AGBL4: variants seen among roughly 807,000 people sequenced by gnomAD.
AGBL4 encodes the protein cytosolic carboxypeptidase 6.
In AGBL4, 58 loss-of-function variants were observed where a neutral mutation model predicts 66.4. That is an observed-to-expected ratio of 0.87 (90% CI 0.71 to 1.09). AGBL4 has a LOEUF of 1.09. AGBL4 is among the 50% of genes least tolerant of loss of function. The probability of loss-of-function intolerance (pLI) is 0.00; values close to 1 mark genes in which losing one functional copy is unlikely to be tolerated. For synonymous variants in AGBL4, 234 were observed against 222.9 expected (o/e 1.05, Z -0.44); for missense variants, 579 against 631.0 (o/e 0.92, Z 0.88).
intron 3 of AGBL4, among the ~76,000 whole-genome samples, chr1:49,565,432 T>C (rs1644169668): frequency 6.6e-6 from 1 of 152,220 alleles, no homozygotes; most frequent in South Asian, 2.1e-4. Context: ...GTTTTTGCAG[T>C]GGCTGGTACT....
At chr1:49,865,787 A>C in intron 1 of AGBL4, 1 of 166,014 alleles carries the variant, frequency 6.0e-6, no homozygotes, top group East Asian at 1.6e-4. Context: ...AGGCTTCAAA[A>C]GATAAGACAA....
At chr1:49,679,539 G>A (rs1646647700) in intron 3 of AGBL4, among the ~76,000 whole-genome samples, 1 of 151,888 alleles carries the variant, frequency 6.6e-6, no homozygotes, top group South Asian at 2.1e-4. Flanking sequence ...TTTAATTGCT[G>A]TAAATAAGGC....
intron 1 of AGBL4, among the ~76,000 whole-genome samples, chr1:49,875,116 G>A (rs1646952555): frequency 1.4e-5 from 2 of 147,168 alleles, no homozygotes; most frequent in African/African-American, 2.5e-5. Flanking sequence ...TAAGAATGAT[G>A]ATTTCCAATT....
chr1:49,949,994 A>G (rs568175957), intron 1 of AGBL4, among the ~76,000 whole-genome samples: 147 of 118,930 alleles, frequency 1.2e-3, no homozygotes, highest in African/African-American at 3.6e-3. Context: ...GTATATATAT[A>G]TGTGTATATA....
Position 48,734,599 on chromosome 1 carries a change from G to A in AGBL4, c.635-71358C>T, listed in dbSNP as rs141953835. On this transcript the variant is annotated intron_variant, in intron 6 of 13. Coordinates refer to ENST00000371839, the MANE Select transcript of AGBL4 (RefSeq NM_032785.4). ...TCTTCCTTCTACATCCCAGCCATCT[G>A]GGGCTTCTTCACACCCGGAGCATGC... 9.1e-3 allele frequency among the ~76,000 whole-genome samples: 1,384 copies of A among 152,226 alleles called. 27 individuals are homozygous for A. The highest frequency in any genetic ancestry group is 0.032 in the African/African-American group (1,326 of 41,512).
intron 3 of AGBL4, among the ~76,000 whole-genome samples, chr1:49,585,702 T>C (rs759400537): frequency 1.3e-5 from 2 of 152,150 alleles, no homozygotes; most frequent in African/African-American, 4.8e-5. Flanking sequence ...ATATAATAAA[T>C]ATGCTATTTT....
chr1:49,467,955 T>A (rs1030600154), intron 3 of AGBL4, among the ~76,000 whole-genome samples: 5 of 151,884 alleles, frequency 3.3e-5, no homozygotes, highest in African/African-American at 1.2e-4. Flanking sequence ...GGCCCTGATA[T>A]GCAAGTGCAA....
At chr1:49,802,688 G>A (rs1029651225) in intron 2 of AGBL4, among the ~76,000 whole-genome samples, 1 of 152,086 alleles carries the variant, frequency 6.6e-6, no homozygotes, top group South Asian at 2.1e-4. Context: ...AATAATAAAT[G>A]CTGGTATATC....
intron 2 of AGBL4, among the ~76,000 whole-genome samples, chr1:49,774,861 C>T (rs2147891662): frequency 6.6e-6 from 1 of 152,256 alleles, no homozygotes; most frequent in South Asian, 2.1e-4. Context: ...TACCCTTTGA[C>T]TCAGCAACAC....
intron 6 of AGBL4, among the ~76,000 whole-genome samples, chr1:48,798,415 C>T (rs1360619269): frequency 1.3e-5 from 2 of 152,176 alleles, no homozygotes; most frequent in Admixed American, 1.3e-4. Flanking sequence ...GATTTTCTCC[C>T]ACTCTGTGGG....
At chr1:48,939,185 G>C (rs1406459026) in intron 5 of AGBL4, among the ~76,000 whole-genome samples, 5 of 152,194 alleles carry the variant, frequency 3.3e-5, no homozygotes, top group Non-Finnish European at 5.9e-5. Flanking sequence ...TGATTCATCA[G>C]TATATACTTA....
intron 6 of AGBL4, among the ~76,000 whole-genome samples, chr1:48,721,380 G>A (rs1214657475): frequency 6.6e-6 from 1 of 152,184 alleles, no homozygotes; most frequent in East Asian, 1.9e-4. Flanking sequence ...GAGAAATGCT[G>A]AGGAAATCAA....
intron 2 of AGBL4, among the ~76,000 whole-genome samples, chr1:49,808,180 G>T (rs889476884): frequency 6.6e-6 from 1 of 152,188 alleles, no homozygotes; most frequent in African/African-American, 2.4e-5. Flanking sequence ...CAGATGCAAG[G>T]AAGCTGGTGA....
intron 2 of AGBL4, among the ~76,000 whole-genome samples, chr1:49,772,823 A>AT (rs1415374730): frequency 1.3e-5 from 2 of 152,112 alleles, no homozygotes; most frequent in Admixed American, 6.6e-5. Flanking sequence ...CTTAAAGAGG[A>AT]TTTTTTTATT....
At chr1:49,497,654 T>G (rs1048283819) in intron 3 of AGBL4, among the ~76,000 whole-genome samples, 1 of 152,058 alleles carries the variant, frequency 6.6e-6, no homozygotes, top group African/African-American at 2.4e-5. Flanking sequence ...CTTTACTCAC[T>G]GTGTGTTTTG....
intron 3 of AGBL4, among the ~76,000 whole-genome samples, chr1:49,332,376 G>A (rs1282721027): frequency 6.6e-6 from 1 of 152,092 alleles, no homozygotes; most frequent in African/African-American, 2.4e-5. Flanking sequence ...TAAAACACCA[G>A]GCCAGATTAT....
chr1:48,599,961 C>T (rs992718664), intron 9 of AGBL4, among the ~76,000 whole-genome samples: 3 of 151,902 alleles, frequency 2.0e-5, no homozygotes, highest in Non-Finnish European at 2.9e-5. Flanking sequence ...AGTCTGGAGG[C>T]CTCTAAAGTT....
chr1:49,591,969 T>C (rs1173157981), intron 3 of AGBL4, among the ~76,000 whole-genome samples: 3 of 151,974 alleles, frequency 2.0e-5, no homozygotes, highest in African/African-American at 4.8e-5. Flanking sequence ...ATGTAAAACA[T>C]AAAACTATAA....
At chr1:48,587,193 G>A in intron 10 of AGBL4, 27 bp from the exon 11 acceptor site, 1 of 1,526,574 alleles carries the variant, frequency 6.6e-7, no homozygotes, top group Non-Finnish European at 8.8e-7. Context: ...AGGGAGGAGA[G>A]AATCACGGCA....
Sources: allele counts gnomAD v4.1 joint callset (sites outside exome capture counted in the v4.1 genomes callset), GRCh38; gene constraint gnomAD v4.1.1; transcripts MANE v1.5; gene names NCBI Gene and HGNC (gene_info 2026-07-23, HGNC 2026-07-21).